The following SYNJ1 variants were observed in gnomAD, a reference collection of about 807,000 sequenced individuals.
SYNJ1 encodes the protein polyphosphatidylinositol phosphatase SYNJ1.
SYNJ1 carries 78 observed loss-of-function variants against 168.2 expected under a neutral mutation model. The ratio of observed to expected loss-of-function variants is 0.46; its 90% confidence interval spans 0.39 to 0.56. SYNJ1 has a LOEUF of 0.56. Among genes scored for constraint, SYNJ1 ranks in the 20% least tolerant of loss-of-function variants. The pLI is 0.00. For synonymous variants in SYNJ1, 539 were observed against 548.6 expected (o/e 0.98, Z 0.24); for missense variants, 1,303 against 1,597.6 (o/e 0.82, Z 3.14).
intron 2 of SYNJ1, among the ~76,000 whole-genome samples, chr21:32,705,135 G>C (rs1414767583): frequency 1.3e-5 from 2 of 148,302 alleles, no homozygotes; most frequent in Non-Finnish European, 3.0e-5. Context: ...GTGACAGAGT[G>C]AGACTCTGTC....
chr21:32,727,814 G>A (rs969875237), intron 1 of SYNJ1, 132 bp downstream of exon 1: 1 of 1,454,858 alleles, frequency 6.9e-7, no homozygotes, highest in Non-Finnish European at 9.0e-7. Flanking sequence ...CCCGCACCCC[G>A]GCTGCTCGCG....
At chr21:32,701,032 G>C (rs1169421919) in intron 3 of SYNJ1, among the ~76,000 whole-genome samples, 2 of 152,042 alleles carry the variant, frequency 1.3e-5, no homozygotes, top group African/African-American at 4.8e-5. Context: ...CCTGAATCTT[G>C]GCTCCATTAC....
At chr21:32,668,561 AT>A (rs1191207614) in intron 15 of SYNJ1, among the ~76,000 whole-genome samples, 1 of 152,180 alleles carries the variant, frequency 6.6e-6, no homozygotes, top group Non-Finnish European at 1.5e-5. Flanking sequence ...CCTGATGTGA[AT>A]TGTTTTTCAT....
chr21:32,663,054 A>G (rs2040779043), intron 18 of SYNJ1, among the ~76,000 whole-genome samples: 1 of 152,152 alleles, frequency 6.6e-6, no homozygotes, highest in African/African-American at 2.4e-5. Flanking sequence ...GAAAAACAAG[A>G]AATTTGTTTT....
chr21:32,707,807 G>A (rs1417172985), intron 2 of SYNJ1, among the ~76,000 whole-genome samples: 5 of 152,130 alleles, frequency 3.3e-5, no homozygotes, highest in Non-Finnish European at 5.9e-5. Flanking sequence ...ACCTGAGGTT[G>A]GGAGATCGAA....
Position 32,634,942 on chromosome 21 carries a change from C to T in SYNJ1, c.3916-58G>A, listed in dbSNP as rs2039499689. 4.4e-6 allele frequency: 7 copies of T among 1,577,718 alleles called. No homozygotes were observed. The South Asian group carries it at 5.5e-5, about 12-fold the overall frequency. On this transcript the variant is annotated intron_variant, in intron 31 of 32. Transcript: ENST00000674351. ...AGTTAGGAGGACAATCCGAGATCAA[C>T]CAGCAACCCTAACAATTCAGTCAAC...
intron 2 of SYNJ1, among the ~76,000 whole-genome samples, chr21:32,706,534 AT>A (rs2042616048): frequency 6.6e-6 from 1 of 151,522 alleles, no homozygotes; most frequent in African/African-American, 2.4e-5. Flanking sequence ...AAAAAAAGTT[AT>A]TTGTACTATA....
intron 2 of SYNJ1, among the ~76,000 whole-genome samples, chr21:32,720,730 T>C (rs1188029726): frequency 6.6e-6 from 1 of 151,782 alleles, no homozygotes; most frequent in Admixed American, 6.5e-5. Context: ...AGCAAAAGCT[T>C]TAATTTTAAG....
chr21:32,693,174 C>G (rs1450518873), intron 6 of SYNJ1, among the ~76,000 whole-genome samples: 1 of 152,162 alleles, frequency 6.6e-6, no homozygotes, highest in Non-Finnish European at 1.5e-5. Flanking sequence ...GCATTCACCT[C>G]GCATCACATC....
Position 32,685,917 on chromosome 21 carries a change from T to A in SYNJ1, c.949A>T (p.Ser317Cys), listed in dbSNP as rs2041822934. The change falls in exon 9 of 33, where the codon AGT (serine) becomes TGT (cysteine). Residue 317 changes from serine to cysteine, a missense_variant and splice_region_variant. Physicochemically the swap from Ser to Cys is moderately radical, Grantham distance 112. Transcript: ENST00000674351. ...GCATGTTCAGAAGCTTTCAAATGAC[T>A]CTGAAAGTAAAAAGGCAAATATTCA... ...GEHMLSKAFQSHLKASEHAAD... is the reference protein window; with the variant it reads ...GEHMLSKAFQCHLKASEHAAD... 9 of 1,601,118 alleles carry A rather than the reference T, an allele frequency of 5.6e-6. No individual in the cohort carries two copies. Among genetic ancestry groups the A allele is most frequent in the Non-Finnish European group, 7.7e-6 (9 of 1,176,010 alleles).
chr21:32,663,318 G>C (rs2040790233), intron 18 of SYNJ1, among the ~76,000 whole-genome samples: 2 of 152,174 alleles, frequency 1.3e-5, no homozygotes. Context: ...TTAGTTGTCT[G>C]GGACAGAAAC....
intron 14 of SYNJ1, among the ~76,000 whole-genome samples, chr21:32,672,493 C>A (rs2145975366): frequency 6.6e-6 from 1 of 152,140 alleles, no homozygotes. Flanking sequence ...GCGCACACCA[C>A]CACACCCGGC....
In SYNJ1 at chr21:32,666,414, G is replaced by T; in HGVS notation, c.1952+19C>A. 6.2e-7 allele frequency: 1 copy of T among 1,607,570 alleles called. No homozygotes were observed. The highest frequency in any genetic ancestry group is 1.1e-5 in the South Asian group (1 of 89,154). ...TTAATGGTAGGAAGTAGCCTTAGAG[G>T]AGTGTTCTGTTTACTGACCTGATAA... is the stretch of plus-strand genomic sequence containing the variant. On this transcript the variant is annotated intron_variant, in intron 16 of 32. Coordinates refer to ENST00000674351, the MANE Select transcript of SYNJ1 (RefSeq NM_203446.3).
chr21:32,657,905 C>T, intron 18 of SYNJ1, 33 bp from the exon 19 acceptor site: 4 of 1,548,634 alleles, frequency 2.6e-6, no homozygotes, highest in Non-Finnish European at 3.5e-6. Context: ...AAGTTATTCC[C>T]AAACAGCAAC....
chr21:32,700,948 T>A (rs1485642010), intron 3 of SYNJ1, among the ~76,000 whole-genome samples: 1 of 152,210 alleles, frequency 6.6e-6, no homozygotes, highest in Admixed American at 6.5e-5. Flanking sequence ...ACAAAAAGCC[T>A]ATGAAATTAG....
chr21:32,671,312 G>GAA (rs1002372303), intron 14 of SYNJ1, among the ~76,000 whole-genome samples: 2 of 135,672 alleles, frequency 1.5e-5, no homozygotes, highest in African/African-American at 5.4e-5. Flanking sequence ...GTCTCAAAAA[G>GAA]AAAAAAAAAA....
intron 15 of SYNJ1, 125 bp from the exon 16 acceptor site, chr21:32,666,698 T>C (rs1418394253): frequency 1.0e-5 from 10 of 1,000,312 alleles, no homozygotes; most frequent in Non-Finnish European, 1.3e-5. Context: ...GCTTAGGCTG[T>C]TTTTGTTTCC....
chr21:32,666,342 G>T, intron 16 of SYNJ1, 91 bp downstream of exon 16: 1 of 1,526,000 alleles, frequency 6.6e-7, no homozygotes, highest in South Asian at 1.3e-5. Context: ...GATAGTTTTT[G>T]TTTGAAGAAC....
chr21:32,652,453 G>A lies in SYNJ1; in HGVS notation c.2874+835C>T, dbSNP rs557719456. Among the ~76,000 whole-genome samples, 6 of 152,134 alleles carry A rather than the reference G, an allele frequency of 3.9e-5. No individual in the cohort carries two copies. In the East Asian group the frequency reaches 9.7e-4, roughly 25 times the overall value. ...TGACCTCAGGTGATCCACCTGTCTC[G>A]GCCTCCCAAAGTGCTGGGATTACAG... On this transcript the variant is annotated intron_variant, in intron 22 of 32. Transcript: ENST00000674351.
Sources: gnomAD v4.1 joint callset for allele counts (sites outside exome capture counted in the v4.1 genomes callset) on GRCh38, gnomAD v4.1.1 for gene constraint, MANE v1.5 for transcripts, NCBI Gene and HGNC (gene_info 2026-07-23, HGNC 2026-07-21) for gene names.